The following NIN variants were observed in gnomAD, a reference collection of about 807,000 sequenced individuals.
NIN encodes ninein.
Under a neutral mutation model 257.6 loss-of-function variants are expected in NIN, and 137 were observed. That is an observed-to-expected ratio of 0.53 (90% CI 0.46 to 0.61). The LOEUF is 0.61. Among genes scored for constraint, NIN ranks in the 20% least tolerant of loss-of-function variants. The pLI is 0.00. For missense variants in NIN, 2,439 were observed against 2,501.2 expected (o/e 0.98, Z 0.53); for synonymous variants, 918 against 919.8 (o/e 1.00, Z 0.04).
chr14:50,731,891 C>G (rs1476608585), intron 28 of NIN, among the ~76,000 whole-genome samples: 1 of 152,168 alleles, frequency 6.6e-6, no homozygotes, highest in Admixed American at 6.5e-5. Context: ...AAATCTCTTG[C>G]CACTTGGAGA....
chr14:50,732,046 G>A (rs61030356), intron 28 of NIN, among the ~76,000 whole-genome samples: 6,893 of 152,182 alleles, frequency 0.045, 514 homozygotes, highest in African/African-American at 0.16. Flanking sequence ...TTATTGAACC[G>A]CTCATGTTGA....
intron 29 of NIN, chr14:50,727,406 T>G: frequency 9.3e-7 from 1 of 1,072,204 alleles, no homozygotes; most frequent in Non-Finnish European, 1.1e-6. Flanking sequence ...ATAGACTACA[T>G]CCTTTCAAGA....
chr14:50,823,687 A>G (rs2045337498), intron 2 of NIN, among the ~76,000 whole-genome samples: 1 of 152,194 alleles, frequency 6.6e-6, no homozygotes. Context: ...TCATTAAAGT[A>G]AAGCAACATG....
intron 12 of NIN, among the ~76,000 whole-genome samples, chr14:50,768,225 T>G (rs1229795059): frequency 6.6e-6 from 1 of 151,986 alleles, no homozygotes; most frequent in Non-Finnish European, 1.5e-5. Flanking sequence ...GTTCACACCC[T>G]CATACAGCAA....
intron 2 of NIN, among the ~76,000 whole-genome samples, chr14:50,827,223 T>C (rs1170657900): frequency 6.6e-6 from 1 of 152,054 alleles, no homozygotes; most frequent in Non-Finnish European, 1.5e-5. Context: ...TAGTAAAAGC[T>C]CAATAGAAAA....
intron 7 of NIN, among the ~76,000 whole-genome samples, chr14:50,775,794 TC>T (rs1167395426): frequency 6.6e-6 from 1 of 152,170 alleles, no homozygotes; most frequent in Non-Finnish European, 1.5e-5. Context: ...AACCCAAGGT[TC>T]TACATATTGC....
intron 5 of NIN, among the ~76,000 whole-genome samples, chr14:50,780,120 T>C (rs1036041748): frequency 6.6e-6 from 1 of 152,222 alleles, no homozygotes; most frequent in Admixed American, 6.5e-5. Context: ...TTTGACCAGT[T>C]GCAACAAGTA....
At chr14:50,825,310 G>A (rs138861221) in intron 2 of NIN, among the ~76,000 whole-genome samples, 1 of 152,326 alleles carries the variant, frequency 6.6e-6, no homozygotes, top group East Asian at 1.9e-4. Context: ...AGTGTACTAT[G>A]TATATAAACA....
chr14:50,830,166 G>A (rs1188940066), intron 2 of NIN, among the ~76,000 whole-genome samples: 2 of 152,326 alleles, frequency 1.3e-5, no homozygotes, highest in Non-Finnish European at 2.9e-5. Flanking sequence ...ACATGCCAAC[G>A]GAACCACCAC....
rs559531701 is a variant in NIN at position 50,788,947 on chromosome 14, C to CA, written c.435+3764dup. Among the ~76,000 whole-genome samples, 11 of 152,244 alleles carry CA rather than the reference C, an allele frequency of 7.2e-5. No homozygotes were observed. In the East Asian group the frequency reaches 2.1e-3, roughly 29 times the overall value. ...TGTCTTCATCACAAAAAGAAAAAGT[C>CA]ATTTGAGGAAAAATCAGGCATGTCT... On this transcript the variant is annotated intron_variant, in intron 5 of 30. Coordinates refer to ENST00000530997, the MANE Select transcript of NIN (RefSeq NM_020921.4).
chr14:50,786,189 T>A lies in NIN; in HGVS notation c.435+6523A>T, dbSNP rs534461488. Among the ~76,000 whole-genome samples, 4 of 152,288 alleles carry A rather than the reference T, an allele frequency of 2.6e-5. No homozygotes were observed. The South Asian group carries it at 6.2e-4, about 24-fold the overall frequency. ...AGTTTTGGTTCACTGGATTTTAAAG[T>A]CCTTAAAGGAAAGAGATTTTAAAAA... is the stretch of plus-strand genomic sequence containing the variant. On this transcript the variant is annotated intron_variant, in intron 5 of 30. Transcript: ENST00000530997.
At chr14:50,795,094 C>T (rs1284359596) in intron 4 of NIN, among the ~76,000 whole-genome samples, 1 of 152,126 alleles carries the variant, frequency 6.6e-6, no homozygotes, top group African/African-American at 2.4e-5. Context: ...CTTCATAGAA[C>T]GTACGAACAT....
At chr14:50,824,409 T>C (rs2045370943) in intron 2 of NIN, among the ~76,000 whole-genome samples, 1 of 152,204 alleles carries the variant, frequency 6.6e-6, no homozygotes. Flanking sequence ...CTCAAAACAC[T>C]GTGCTTGACT....
At chr14:50,778,288 C>T (rs1187612992) in intron 6 of NIN, among the ~76,000 whole-genome samples, 1 of 152,182 alleles carries the variant, frequency 6.6e-6, no homozygotes, top group Non-Finnish European at 1.5e-5. Context: ...ATGGATTCTC[C>T]CACCTCAGCC....
Position 50,758,612 on chromosome 14 carries a change from C to A in NIN, c.2418G>T (p.Glu806Asp). 3 of 1,566,836 alleles carry A rather than the reference C, an allele frequency of 1.9e-6. No homozygotes were observed. The highest frequency in any genetic ancestry group is 2.6e-6 in the Non-Finnish European group (3 of 1,158,292). The change falls in exon 18 of 31, where the codon GAG becomes GAT. Residue 806 changes from glutamate to aspartate, a missense_variant. By Grantham distance (45) the Glu-to-Asp change is conservative. Transcript: ENST00000530997. ...CTATTTGAGAGGTTCTTCTATTACACTCTGTTTCCATTTTTTCCCTAAATA... is the reference window on the plus strand; with the variant it reads ...CTATTTGAGAGGTTCTTCTATTACAATCTGTTTCCATTTTTTCCCTAAATA... ...LQEGREKMET[E>D]CNRRTSQIEA...
At position 50,757,608 on chromosome 14, in the gene NIN, C is replaced by T. The variant is rs370714110; in HGVS notation, c.3422G>A (p.Arg1141Gln). Residue 1141 changes from arginine to glutamine, a missense_variant, in exon 18 of 31, where the codon CGG becomes CAG. Physicochemically the swap from Arg to Gln is conservative, Grantham distance 43. This residue lies in a region of NIN where 2,043 missense variants were observed against 2,050.2 expected (regional missense o/e 1.00). Coordinates refer to ENST00000530997, the MANE Select transcript of NIN (RefSeq NM_020921.4). ...RTKQVEGVTRRHVLSDLEDDE... is the reference protein window; with the variant it reads ...RTKQVEGVTRQHVLSDLEDDE... ...ATCTTCCAGGTCACTTAGGACATGC[C>T]GCCTGGTCACACCTTCTACTTGCTT... 2.4e-5 allele frequency: 38 copies of T among 1,613,982 alleles called. No homozygotes were observed. The highest frequency in any genetic ancestry group is 3.3e-5 in the South Asian group (3 of 91,084).
chr14:50,780,783 G>A (rs2043104754), intron 5 of NIN, among the ~76,000 whole-genome samples: 1 of 152,178 alleles, frequency 6.6e-6, no homozygotes, highest in African/African-American at 2.4e-5. Context: ...AATTCATGCA[G>A]ATTACAATGG....
intron 17 of NIN, among the ~76,000 whole-genome samples, chr14:50,759,071 T>C (rs1028903766): frequency 6.6e-6 from 1 of 152,248 alleles, no homozygotes; most frequent in African/African-American, 2.4e-5. Context: ...CTTTTGCTTC[T>C]TACTTAACGA....
At chr14:50,739,597 C>T in intron 25 of NIN, 110 bp from the exon 26 acceptor site, 1 of 853,686 alleles carries the variant, frequency 1.2e-6, no homozygotes, top group South Asian at 1.7e-5. Context: ...AAGTACCTTT[C>T]AATTGTCCCC....
Sources: allele counts gnomAD v4.1 joint callset (sites outside exome capture counted in the v4.1 genomes callset), GRCh38; gene constraint gnomAD v4.1.1; regional missense constraint gnomAD v4.1.1; transcripts MANE v1.5; gene names NCBI Gene and HGNC (gene_info 2026-07-23, HGNC 2026-07-21).